Variants in GSE1 observed in about 807,000 individuals in gnomAD.
GSE1 encodes the protein Gse1 coiled-coil protein.
Under a neutral mutation model 112.6 loss-of-function variants are expected in GSE1, and 32 were observed. That is an observed-to-expected ratio of 0.28 (90% CI 0.21 to 0.38). GSE1 has a LOEUF of 0.38. Ranked by LOEUF, GSE1 falls within the 10% of genes least tolerant of loss-of-function variation. GSE1 has a pLI of 1.00. For synonymous variants in GSE1, 1,115 were observed against 735.6 expected (o/e 1.52, Z -8.35); for missense variants, 2,348 against 1,699.2 (o/e 1.38, Z -6.71).
chr16:85,588,670 C>G (rs919947471), intron 1 of GSE1, among the ~76,000 whole-genome samples: 2 of 152,222 alleles, frequency 1.3e-5, no homozygotes, highest in African/African-American at 4.8e-5. Flanking sequence ...CTGTATTTCC[C>G]GACTTGGCGG....
At chr16:85,572,908 C>T (rs946477448) in intron 1 of GSE1, among the ~76,000 whole-genome samples, 4 of 152,316 alleles carry the variant, frequency 2.6e-5, no homozygotes, top group South Asian at 2.1e-4. Flanking sequence ...AGCCCTCTGT[C>T]GCCCAGACTG....
intron 15 of GSE1, 24 bp from the exon 16 acceptor site, chr16:85,672,381 T>TGACACAAATTTCCCTCTCTC: frequency 6.3e-7 from 1 of 1,595,610 alleles, no homozygotes; most frequent in African/African-American, 1.3e-5. Flanking sequence ...GGGTTGGTTT[T>TGACACAAATTTCCCTCTCTC]GACACAAATT....
In GSE1 at chr16:85,374,162, G is replaced by A. The variant is rs530994458; in HGVS notation, c.2464+16519G>A. On this transcript the variant is annotated intron_variant, in intron 2 of 2. Coordinates refer to the GSE1 transcript ENST00000637419. ...ATGTGCGTGGTTGCATGTGGCCCTCGGTGTGCAGTGTGTGTCAGTGTGCCT... is the reference window on the plus strand; with the variant it reads ...ATGTGCGTGGTTGCATGTGGCCCTCAGTGTGCAGTGTGTGTCAGTGTGCCT... 5.8e-4 allele frequency among the ~76,000 whole-genome samples: 88 copies of A among 150,812 alleles called. 1 individual carries two copies. Among genetic ancestry groups the A allele is most frequent in the Middle Eastern group, 6.9e-3 (2 of 290 alleles).
At chr16:85,640,656 G>A (rs936641468) in intron 2 of GSE1, among the ~76,000 whole-genome samples, 4 of 152,270 alleles carry the variant, frequency 2.6e-5, no homozygotes, top group African/African-American at 9.6e-5. Context: ...CCGTGGGAAT[G>A]CTTCCACCGT....
exon 1 of GSE1, chr16:85,171,114 A>G (rs1222033570): frequency 3.1e-5 from 31 of 985,540 alleles, no homozygotes; most frequent in Non-Finnish European, 3.4e-5. Flanking sequence ...AGCGCTGTGA[A>G]GTCCGCAGCT....
At chr16:85,585,791 A>G (rs2046665243) in intron 1 of GSE1, among the ~76,000 whole-genome samples, 1 of 152,182 alleles carries the variant, frequency 6.6e-6, no homozygotes, top group African/African-American at 2.4e-5. Context: ...CCAGTGTCTT[A>G]AGTGTCTGAT....
chr16:85,233,405 G>A (rs559630511), intron 1 of GSE1, among the ~76,000 whole-genome samples: 12 of 152,346 alleles, frequency 7.9e-5, no homozygotes, highest in East Asian at 1.9e-4. Context: ...GAGGCTGGGC[G>A]GGGTGGTTCG....
chr16:85,443,160 T>C (rs1198203088), intron 2 of GSE1, among the ~76,000 whole-genome samples: 2 of 152,306 alleles, frequency 1.3e-5, no homozygotes, highest in East Asian at 1.9e-4. Flanking sequence ...GTGAATGTGG[T>C]TGGGGGGGCA....
chr16:85,647,210 C>G (rs745332600), intron 2 of GSE1, among the ~76,000 whole-genome samples: 40 of 152,190 alleles, frequency 2.6e-4, no homozygotes, highest in Admixed American at 7.8e-4. Flanking sequence ...ATCCTCTTGG[C>G]TGTAGCCACC....
chr16:85,391,689 C>T (rs2047842170), intron 2 of GSE1, among the ~76,000 whole-genome samples: 1 of 152,192 alleles, frequency 6.6e-6, no homozygotes, highest in Non-Finnish European at 1.5e-5. Flanking sequence ...TGTTTCCAAG[C>T]AAGACCTCAT....
chr16:85,615,739 C>A (rs1415512450), intron 1 of GSE1, among the ~76,000 whole-genome samples: 7 of 152,228 alleles, frequency 4.6e-5, no homozygotes, highest in Non-Finnish European at 4.4e-5. Context: ...TGTCAGAGTT[C>A]AAAGGGGCTT....
chr16:85,608,612 A>G (rs946280347), upstream of GSE1, among the ~76,000 whole-genome samples: 5 of 152,154 alleles, frequency 3.3e-5, no homozygotes, highest in Non-Finnish European at 7.4e-5. Flanking sequence ...TGTAAGAGCC[A>G]CGTCTGGATG....
chr16:85,517,331 C>G (rs1213556600), intron 2 of GSE1, among the ~76,000 whole-genome samples: 1 of 152,206 alleles, frequency 6.6e-6, no homozygotes, highest in African/African-American at 2.4e-5. Flanking sequence ...TGCTGCTTAA[C>G]CTCCCCGTGC....
At chr16:85,523,313 C>T (rs1337555626) in intron 2 of GSE1, among the ~76,000 whole-genome samples, 1 of 151,764 alleles carries the variant, frequency 6.6e-6, no homozygotes, top group Non-Finnish European at 1.5e-5. Flanking sequence ...TGTGGTTGTG[C>T]GTGCCCTGTG....
At chr16:85,467,523 C>CTGG (rs2050158675) in intron 2 of GSE1, among the ~76,000 whole-genome samples, 1 of 151,740 alleles carries the variant, frequency 6.6e-6, no homozygotes, top group African/African-American at 2.4e-5. Flanking sequence ...CTACTTGTGC[C>CTGG]TGGTGTTTGT....
At chr16:85,366,564 G>A (rs2047190030) in intron 2 of GSE1, among the ~76,000 whole-genome samples, 1 of 152,172 alleles carries the variant, frequency 6.6e-6, no homozygotes, top group South Asian at 2.1e-4. Flanking sequence ...TCTCTCCCCA[G>A]GAGCCTCTTG....
intron 2 of GSE1, among the ~76,000 whole-genome samples, chr16:85,457,153 C>G (rs897277998): frequency 2.6e-5 from 4 of 152,222 alleles, no homozygotes; most frequent in African/African-American, 9.6e-5. Context: ...GCAGCGGGGT[C>G]TGCCCTAGAG....
At chr16:85,592,023 A>C (rs946861842) in intron 1 of GSE1, among the ~76,000 whole-genome samples, 8 of 152,156 alleles carry the variant, frequency 5.3e-5, no homozygotes, top group Non-Finnish European at 8.8e-5. Context: ...GTTTAAGGCT[A>C]AGTAGCACCT....
chr16:85,628,084 G>A lies in GSE1; in HGVS notation c.8-5830G>A, dbSNP rs190330750. Among the ~76,000 whole-genome samples, 642 of 152,324 alleles carry A rather than the reference G, an allele frequency of 4.2e-3. 1 individual carries two copies. Among genetic ancestry groups the A allele is most frequent in the Non-Finnish European group, 7.6e-3 (518 of 68,016 alleles). On this transcript the variant is annotated intron_variant, in intron 1 of 15. Transcript: ENST00000253458. ...GCTGTGTCCATTCACAGCAGGCCCA[G>A]GGGGACCCCTCCAAGGATCTCGGGG...
Sources: allele counts gnomAD v4.1 joint callset (sites outside exome capture counted in the v4.1 genomes callset), GRCh38; gene constraint gnomAD v4.1.1; transcripts MANE v1.5; gene names NCBI Gene and HGNC (gene_info 2026-07-23, HGNC 2026-07-21).